Variants in APOLD1 observed in about 807,000 individuals in gnomAD.
APOLD1 encodes apolipoprotein L domain-containing protein 1.
Under a neutral mutation model 15.3 loss-of-function variants are expected in APOLD1, and 22 were observed. That is an observed-to-expected ratio of 1.44 (90% CI 1.03 to 2.05). The LOEUF (loss-of-function observed/expected upper bound fraction) is 2.05. Ranked by LOEUF, APOLD1 falls within the 30% of genes most tolerant of loss-of-function variation. The pLI is 0.00. For synonymous variants in APOLD1, 190 were observed against 167.4 expected (o/e 1.13, Z -1.04); for missense variants, 394 against 353.5 (o/e 1.11, Z -0.92).
At chr12:12,729,699 G>A (rs1440187917) in intron 1 of APOLD1, among the ~76,000 whole-genome samples, 1 of 151,968 alleles carries the variant, frequency 6.6e-6, no homozygotes, top group Non-Finnish European at 1.5e-5. Flanking sequence ...GTTCAGGGCC[G>A]CAGCTCAGGC....
rs551218086 is a variant in APOLD1, at chr12:12,737,543, C to T, written c.96+11447C>T. ...CATATGAGCCCCTGCCAAACTGAGA[C>T]CTGAAATAATTCCTGCATCTTACCT... On this transcript the variant is annotated intron_variant, in intron 1 of 1. Coordinates refer to the APOLD1 transcript ENST00000326765. Among the ~76,000 whole-genome samples, 14 of 152,292 alleles carry T rather than the reference C, an allele frequency of 9.2e-5. No individual in the cohort carries two copies. In the South Asian group the frequency reaches 2.9e-3, roughly 32 times the overall value.
chr12:12,742,423 A>G (rs73281165), intron 1 of APOLD1, among the ~76,000 whole-genome samples: 7 of 152,150 alleles, frequency 4.6e-5, no homozygotes, highest in African/African-American at 1.4e-4. Flanking sequence ...GCTCACCTCC[A>G]TATCGATTCA....
chr12:12,761,179 C>G (rs777616023), intron 1 of APOLD1, among the ~76,000 whole-genome samples: 1 of 152,160 alleles, frequency 6.6e-6, no homozygotes, highest in Non-Finnish European at 1.5e-5. Flanking sequence ...ACTACTGGAA[C>G]TTTTGCTGGT....
chr12:12,726,061 G>A, exon 1 of APOLD1: 1 of 1,538,064 alleles, frequency 6.5e-7, no homozygotes. Context: ...GCGGGCAGGA[G>A]CCTGGCGAGG....
intron 1 of APOLD1, among the ~76,000 whole-genome samples, chr12:12,768,702 T>C (rs534841294): frequency 1.6e-4 from 25 of 151,768 alleles, no homozygotes; most frequent in African/African-American, 6.0e-4. Context: ...TCAAGTCACT[T>C]GCTTGAAGTC....
chr12:12,767,326 C>T (rs1285657229), intron 1 of APOLD1, among the ~76,000 whole-genome samples: 1 of 151,958 alleles, frequency 6.6e-6, no homozygotes, highest in Non-Finnish European at 1.5e-5. Flanking sequence ...TGGAGTTATT[C>T]AGAAAAATTA....
Position 12,750,137 on chromosome 12 carries a change from C to A in APOLD1, c.96+24041C>A, listed in dbSNP as rs571179476. 2.9e-3 allele frequency among the ~76,000 whole-genome samples: 441 copies of A among 152,196 alleles called. 5 individuals are homozygous for A. Among genetic ancestry groups the A allele is most frequent in the South Asian group, 0.022 (105 of 4,824 alleles). ...CCTGTAATCCCAGCATTTTGCGAGG[C>A]CGAGGCGGGCGGATCACCTGAGGTT... On this transcript the variant is annotated intron_variant, in intron 1 of 1. Coordinates refer to the APOLD1 transcript ENST00000326765.
intron 1 of APOLD1, among the ~76,000 whole-genome samples, chr12:12,766,107 TAAACA>T (rs1471301461): frequency 2.6e-5 from 4 of 152,310 alleles, no homozygotes; most frequent in South Asian, 2.1e-4. Flanking sequence ...TTTTCTCCAG[TAAACA>T]AAACAAACTT....
intron 1 of APOLD1, among the ~76,000 whole-genome samples, chr12:12,733,705 C>CA (rs1946661481): frequency 1.3e-5 from 2 of 152,154 alleles, no homozygotes; most frequent in Non-Finnish European, 2.9e-5. Flanking sequence ...TGGGTTCAAG[C>CA]AATTCTCCTG....
chr12:12,777,920 T>TGTTGTTGTTG (rs1565436848), intron 1 of APOLD1, among the ~76,000 whole-genome samples: 1 of 129,040 alleles, frequency 7.7e-6, no homozygotes, highest in Non-Finnish European at 1.7e-5. Flanking sequence ...TTTTTTTTTT[T>TGTTGTTGTTG]TTTTTGTTGT....
At chr12:12,782,992 G>C (rs1037915785), upstream of APOLD1, among the ~76,000 whole-genome samples, 5 of 152,000 alleles carry the variant, frequency 3.3e-5, no homozygotes, top group Admixed American at 2.0e-4. Context: ...GATCACCCGG[G>C]GTCAGGAGTT....
chr12:12,783,004 G>C (rs1947095955), upstream of APOLD1, among the ~76,000 whole-genome samples: 1 of 152,038 alleles, frequency 6.6e-6, no homozygotes, highest in Non-Finnish European at 1.5e-5. Context: ...TCAGGAGTTC[G>C]AGACCAGCCT....
At chr12:12,744,517 G>T (rs2136375454) in intron 1 of APOLD1, among the ~76,000 whole-genome samples, 1 of 152,276 alleles carries the variant, frequency 6.6e-6, no homozygotes, top group Non-Finnish European at 1.5e-5. Context: ...GCTGAGGCAG[G>T]AGAATCGCTT....
At chr12:12,748,604 C>T (rs1946783304) in intron 1 of APOLD1, among the ~76,000 whole-genome samples, 1 of 151,948 alleles carries the variant, frequency 6.6e-6, no homozygotes, top group African/African-American at 2.4e-5. Flanking sequence ...TTTTTGGGAA[C>T]ATTCCAAATC....
chr12:12,776,663 G>GTTT (rs1481774921), intron 1 of APOLD1, among the ~76,000 whole-genome samples: 1 of 152,252 alleles, frequency 6.6e-6, no homozygotes, highest in Admixed American at 6.5e-5. Context: ...GCCTGGGACA[G>GTTT]TTAAAGAGTT....
chr12:12,761,294 A>G (rs1946896815), intron 1 of APOLD1, among the ~76,000 whole-genome samples: 1 of 152,202 alleles, frequency 6.6e-6, no homozygotes, highest in South Asian at 2.1e-4. Context: ...TCCTTTATAA[A>G]GACTTACTTT....
chr12:12,755,384 C>T (rs1013141260), intron 1 of APOLD1, among the ~76,000 whole-genome samples: 2 of 151,858 alleles, frequency 1.3e-5, no homozygotes, highest in African/African-American at 4.8e-5. Context: ...GCCCTATACC[C>T]AAACCGTAAA....
chr12:12,725,936 G>A, exon 1 of APOLD1: 2 of 1,338,416 alleles, frequency 1.5e-6, no homozygotes, highest in Non-Finnish European at 9.9e-7. Context: ...GCAGGCGGGG[G>A]TGCGCGGGGC....
intron 1 of APOLD1, among the ~76,000 whole-genome samples, chr12:12,764,420 T>TA (rs1946928701): frequency 1.3e-5 from 2 of 152,216 alleles, no homozygotes; most frequent in Admixed American, 1.3e-4. Flanking sequence ...TGCATAGCAA[T>TA]ATATAATATG....
Sources: gnomAD v4.1 joint callset for allele counts (sites outside exome capture counted in the v4.1 genomes callset) on GRCh38, gnomAD v4.1.1 for gene constraint, MANE v1.5 for transcripts, NCBI Gene and HGNC (gene_info 2026-07-23, HGNC 2026-07-21) for gene names.